Variants in TG observed in about 807,000 individuals in gnomAD.
The protein encoded by TG is thyroglobulin.
In TG, 270 loss-of-function variants were observed where a neutral mutation model predicts 324.7. The observed-to-expected ratio is 0.83, with a 90% CI of 0.75 to 0.92. The LOEUF is 0.92. TG is among the 40% of genes least tolerant of loss of function. The pLI, the probability that TG is intolerant of heterozygous loss-of-function variation, is 0.00. For synonymous variants in TG, 1,401 were observed against 1,327.0 expected (o/e 1.06, Z -1.21); for missense variants, 3,591 against 3,456.4 (o/e 1.04, Z -0.98).
intron 21 of TG, among the ~76,000 whole-genome samples, chr8:132,921,046 T>C (rs1401846374): frequency 6.6e-6 from 1 of 152,210 alleles, no homozygotes; most frequent in Non-Finnish European, 1.5e-5. Flanking sequence ...GCTTAGTACC[T>C]ACACAGAGAA....
chr8:132,968,382 T>C (rs1230835189), intron 31 of TG, among the ~76,000 whole-genome samples: 1 of 152,234 alleles, frequency 6.6e-6, no homozygotes, highest in Non-Finnish European at 1.5e-5. Context: ...CCACCTTTAA[T>C]ACATGCATCA....
intron 25 of TG, 102 bp downstream of exon 25, chr8:132,935,966 C>T: frequency 1.2e-6 from 1 of 853,722 alleles, no homozygotes; most frequent in Non-Finnish European, 1.9e-6. Context: ...CCAGACTGTC[C>T]CGCTCCCCAC....
intron 45 of TG, among the ~76,000 whole-genome samples, chr8:133,130,587 C>T (rs1263199699): frequency 1.3e-5 from 2 of 152,122 alleles, no homozygotes; most frequent in African/African-American, 2.4e-5. Flanking sequence ...GGGCCTGGGT[C>T]CTCTACCTCA....
intron 41 of TG, among the ~76,000 whole-genome samples, chr8:133,052,309 A>G (rs1416590733): frequency 6.6e-6 from 1 of 152,272 alleles, no homozygotes; most frequent in East Asian, 1.9e-4. Context: ...GGAACAGTGC[A>G]GTCAAATGTA....
At position 132,963,042 on chromosome 8, in the gene TG, C is replaced by A. The variant is rs758493300; in HGVS notation, c.5516C>A (p.Thr1839Lys). The A allele has an allele frequency of 1.9e-6, 3 of 1,614,048 alleles. No individual in the cohort carries two copies. In the South Asian group the frequency reaches 3.3e-5, roughly 18 times the overall value. ...RPESMGCRKD[T>K]VPRPASPTEA... ...GAGTCTATGGGATGTAGAAAAGACA[C>A]AGTGCCAAGGCCAGCATCTCCAACA... The change falls in exon 29 of 48, where the codon ACA (threonine) becomes AAA (lysine). Residue 1839 changes from threonine (T) to lysine (K), a missense_variant. Thr to Lys is a moderately conservative substitution (Grantham distance 78). Transcript: ENST00000220616.
At chr8:132,892,461 T>C (rs1345199850) in intron 10 of TG, among the ~76,000 whole-genome samples, 1 of 152,230 alleles carries the variant, frequency 6.6e-6, no homozygotes, top group African/African-American at 2.4e-5. Context: ...ATTGTCTGCG[T>C]AGATGTGCTC....
At chr8:133,112,124 GTGGCTGTGCCCACCCAGGA>G in intron 43 of TG, among the ~76,000 whole-genome samples, 1 of 151,658 alleles carries the variant, frequency 6.6e-6, no homozygotes, top group Non-Finnish European at 1.5e-5. Flanking sequence ...CCACCCAGGA[GTGGCTGTGCCCACCCAGGA>G]GGGGCTGTTC....
intron 16 of TG, 37 bp from the exon 17 acceptor site, chr8:132,906,651 G>A (rs1257090266): frequency 1.2e-6 from 2 of 1,611,490 alleles, no homozygotes; most frequent in African/African-American, 1.3e-5. Context: ...CCGAGGCTGG[G>A]CAGGTGCCCA....
chr8:132,910,387 A>C (rs1041255019), intron 18 of TG, among the ~76,000 whole-genome samples: 10 of 152,166 alleles, frequency 6.6e-5, no homozygotes, highest in African/African-American at 2.4e-4. Flanking sequence ...GTCACTCTCT[A>C]GGCACCCAAG....
chr8:132,922,991 A>G (rs959396291), intron 21 of TG, among the ~76,000 whole-genome samples: 1 of 152,174 alleles, frequency 6.6e-6, no homozygotes, highest in African/African-American at 2.4e-5. Context: ...TGAGTGGTGG[A>G]GAGTTCGCGC....
Position 132,888,500 on chromosome 8 carries a change from G to C in TG, c.2693G>C (p.Cys898Ser), listed in dbSNP as rs753127748. Reference protein sequence around the residue: ...TPLAHFDLRNCWCVDEAGQEL... With the variant: ...TPLAHFDLRNSWCVDEAGQEL... ...TTGGCACATTTTGATCTTCGGAACT[G>C]CTGGTGTGTGGATGAGGCTGGCCAA... The change falls in exon 10 of 48, where the codon TGC becomes TCC. Residue 898 changes from cysteine to serine, a missense_variant. Transcript: ENST00000220616. 1 of 1,610,488 alleles carries C rather than the reference G, an allele frequency of 6.2e-7. No individual in the cohort carries two copies. The highest frequency in any genetic ancestry group is 2.2e-5 in the East Asian group (1 of 44,880).
intron 15 of TG, among the ~76,000 whole-genome samples, 159 bp downstream of exon 15, chr8:132,900,498 T>G (rs1817762553): frequency 6.6e-6 from 1 of 152,166 alleles, no homozygotes; most frequent in African/African-American, 2.4e-5. Flanking sequence ...ATCTATGAAA[T>G]CGGGGCAATA....
intron 41 of TG, among the ~76,000 whole-genome samples, chr8:133,076,981 A>T (rs1844985286): frequency 6.6e-6 from 1 of 152,136 alleles, no homozygotes; most frequent in Non-Finnish European, 1.5e-5. Context: ...TGAATATGTG[A>T]CTATCAATTA....
At chr8:133,037,169 G>T (rs1212365266) in intron 41 of TG, 1 of 152,162 alleles carries the variant, frequency 6.6e-6, no homozygotes, top group African/African-American at 2.4e-5. Context: ...CCTTCCCCAG[G>T]ATCCCTTTGA....
chr8:133,032,683 T>TG (rs1400909424), intron 41 of TG, among the ~76,000 whole-genome samples: 2 of 152,222 alleles, frequency 1.3e-5, no homozygotes, highest in Admixed American at 6.5e-5. Context: ...AACAGATGTT[T>TG]GGGGAAATGA....
chr8:132,901,427 A>G lies in TG; in HGVS notation c.3508A>G (p.Arg1170Gly), dbSNP rs930054743. ...CAGCCCAGGCTATGTCCCAGCCTGC[A>G]GGGCAGAGGATGGGGGCTTTTCCCC... ...RVSPGYVPAC[R>G]AEDGGFSPVQ... The change falls in exon 16 of 48, where the codon AGG (arginine) becomes GGG (glycine). Residue 1170 changes from arginine (R) to glycine (G), a missense_variant. By Grantham distance (125) the Arg-to-Gly change is moderately radical. Transcript: ENST00000220616. 1 of 1,614,222 alleles carries G rather than the reference A, an allele frequency of 6.2e-7. No individual in the cohort carries two copies. The highest frequency in any genetic ancestry group is 1.1e-5 in the South Asian group (1 of 91,084).
intron 39 of TG, among the ~76,000 whole-genome samples, chr8:133,021,388 C>T (rs928325023): frequency 6.6e-6 from 1 of 152,204 alleles, no homozygotes; most frequent in Non-Finnish European, 1.5e-5. Context: ...CTGTGTGTTA[C>T]CATGAGACGG....
chr8:132,898,368 G>A (rs1157755480), intron 13 of TG, 122 bp downstream of exon 13: 2 of 944,490 alleles, frequency 2.1e-6, no homozygotes, highest in Non-Finnish European at 3.3e-6. Context: ...GGTCCCGGGT[G>A]CAGCCAGACG....
At chr8:132,934,925 A>G (rs1338208097) in intron 24 of TG, among the ~76,000 whole-genome samples, 2 of 151,914 alleles carry the variant, frequency 1.3e-5, no homozygotes, top group East Asian at 3.9e-4. Context: ...TCTTCTAGAT[A>G]CTCCCTGGAT....
Sources: gnomAD v4.1 joint callset for allele counts (sites outside exome capture counted in the v4.1 genomes callset) on GRCh38, gnomAD v4.1.1 for gene constraint, MANE v1.5 for transcripts, NCBI Gene and HGNC (gene_info 2026-07-23, HGNC 2026-07-21) for gene names.